Variants in NDEL1 observed in about 807,000 individuals in gnomAD.
NDEL1 encodes the protein nuclear distribution protein nudE-like 1.
A neutral mutation model predicts 45.7 loss-of-function variants in NDEL1; 9 were observed. That is an observed-to-expected ratio of 0.20 (90% CI 0.12 to 0.34). NDEL1 has a LOEUF of 0.34. Among genes scored for constraint, NDEL1 ranks in the 10% least tolerant of loss-of-function variants. The pLI is 1.00. For missense variants in NDEL1, 306 were observed against 406.2 expected (o/e 0.75, Z 2.12); for synonymous variants, 133 against 158.6 (o/e 0.84, Z 1.21).
At position 8,415,121 on chromosome 17, in the gene NDEL1, TC is replaced by T. The variant is rs1567717772; in HGVS notation, c.-13+1855del. ...CTTTCTTCCTCCCTCCCTCCCTCCC[TC>T]CCTCCTGCCTCTTCTCTCTTTCTGT... is the stretch of plus-strand genomic sequence containing the variant. On this transcript the variant is annotated intron_variant, in intron 1 of 4. Coordinates refer to the NDEL1 transcript ENST00000582812. 7.3e-3 allele frequency among the ~76,000 whole-genome samples: 879 copies of T among 120,454 alleles called. 14 individuals are homozygous for T. The highest frequency in any genetic ancestry group is 0.025 in the African/African-American group (809 of 32,836). 79.0% of individuals were successfully genotyped at this position (120,454 alleles called of 152,430 possible). A position where few individuals can be genotyped will look rare whatever the true frequency, so the allele number is the denominator to read the frequency against.
rs534200844 is a variant in NDEL1, at chr17:8,459,901, A to T, written c.793-108A>T. ...ATGGCTGAACTAACCACCATTATCA[A>T]CTGAGATGAGTAAGTTTTGAGGCTT... On this transcript the variant is annotated intron_variant, in intron 7 of 8. Coordinates refer to ENST00000334527, the MANE Select transcript of NDEL1 (RefSeq NM_030808.5). 7.8e-6 allele frequency: 9 copies of T among 1,157,898 alleles called. No individual in the cohort carries two copies. The African/African-American group carries it at 1.4e-4, about 18-fold the overall frequency. 71.7% of individuals were successfully genotyped at this position (1,157,898 alleles called of 1,614,324 possible).
upstream of NDEL1, among the ~76,000 whole-genome samples, chr17:8,432,353 A>AATATATATATATATATTAT (rs1909033429): frequency 1.7e-4 from 1 of 5,874 alleles, no homozygotes; most frequent in Non-Finnish European, 1.1e-3. Context: ...TATAAATATA[A>AATATATATATATATATTAT]ATATAAATAT....
At chr17:8,466,144 T>G (rs1911573809) in intron 8 of NDEL1, 1 of 152,196 alleles carries the variant, frequency 6.6e-6, no homozygotes, top group South Asian at 2.1e-4. Context: ...TATTAATACA[T>G]TATATTTGGA....
chr17:8,458,547 AC>A (rs1340995911), intron 7 of NDEL1, among the ~76,000 whole-genome samples: 2 of 119,160 alleles, frequency 1.7e-5, no homozygotes, highest in Non-Finnish European at 3.5e-5. Context: ...CTCAATTTCT[AC>A]TGTGTGTGTG....
At chr17:8,413,583 G>A (rs1908473872) in intron 1 of NDEL1, among the ~76,000 whole-genome samples, 2 of 152,186 alleles carry the variant, frequency 1.3e-5, no homozygotes, top group Admixed American at 1.3e-4. Context: ...CTGGGTTGCA[G>A]AGGGAGTTCA....
intron 6 of NDEL1, among the ~76,000 whole-genome samples, chr17:8,453,352 A>G (rs1567737092): frequency 6.6e-6 from 1 of 152,248 alleles, no homozygotes; most frequent in Non-Finnish European, 1.5e-5. Flanking sequence ...GAAAACAAAC[A>G]TAAAAAATAA....
At chr17:8,460,490 G>C (rs1005193940) in intron 8 of NDEL1, among the ~76,000 whole-genome samples, 1 of 152,076 alleles carries the variant, frequency 6.6e-6, no homozygotes, top group Middle Eastern at 3.2e-3. Context: ...ATATTTTTTT[G>C]GGGTAGAAGA....
chr17:8,455,185 G>C (rs984630389), intron 7 of NDEL1, among the ~76,000 whole-genome samples: 1 of 152,200 alleles, frequency 6.6e-6, no homozygotes, highest in African/African-American at 2.4e-5. Context: ...AAGGCCTGCT[G>C]TGTGTCTTCT....
At chr17:8,451,060 G>C (rs1381720471) in intron 6 of NDEL1, 107 bp downstream of exon 6, 1 of 1,116,956 alleles carries the variant, frequency 9.0e-7, no homozygotes. Context: ...TAGTTTAAAA[G>C]TTGGTGAAGT....
At chr17:8,445,536 G>A (rs1212148213) in intron 2 of NDEL1, among the ~76,000 whole-genome samples, 175 bp from the exon 3 acceptor site, 4 of 152,078 alleles carry the variant, frequency 2.6e-5, no homozygotes, top group African/African-American at 7.2e-5. Context: ...TGGGCTTGTC[G>A]TTTTCATTGA....
intron 1 of NDEL1, among the ~76,000 whole-genome samples, chr17:8,429,637 T>A (rs551681735): frequency 1.3e-5 from 2 of 152,146 alleles, no homozygotes; most frequent in East Asian, 3.9e-4. Context: ...AAGGGAATCA[T>A]CTATTTGGGG....
At chr17:8,474,298 T>C (rs1241482820) in intron 3 of NDEL1, 1 of 152,628 alleles carries the variant, frequency 6.6e-6, no homozygotes, top group Non-Finnish European at 1.5e-5. Context: ...CGCAAATATC[T>C]ATAATGAATA....
chr17:8,447,990 G>C (rs887905001), intron 4 of NDEL1, among the ~76,000 whole-genome samples: 3 of 147,660 alleles, frequency 2.0e-5, no homozygotes, highest in South Asian at 2.2e-4. Context: ...GGCGGGGGGG[G>C]GGCAGTGGGG....
chr17:8,418,603 C>G lies in NDEL1; in HGVS notation c.-13+5334C>G, dbSNP rs571620192. Reference sequence around the variant, plus strand: ...TGTTAAATTATTAATGTATGGCCAGCTCTATAAAAAAGTTTATGGCTGCTT... The same window carrying G: ...TGTTAAATTATTAATGTATGGCCAGGTCTATAAAAAAGTTTATGGCTGCTT... On this transcript the variant is annotated intron_variant, in intron 1 of 4. Transcript: ENST00000582812. Among the ~76,000 whole-genome samples the G allele has an allele frequency of 2.6e-5, 4 of 152,230 alleles. No homozygotes were observed. In the South Asian group the frequency reaches 8.3e-4, roughly 32 times the overall value.
At chr17:8,443,829 A>G (rs1232339072) in intron 1 of NDEL1, 1 of 152,814 alleles carries the variant, frequency 6.5e-6, no homozygotes, top group South Asian at 2.1e-4. Flanking sequence ...AAATGTTCCA[A>G]GCAGATGTTT....
intron 4 of NDEL1, among the ~76,000 whole-genome samples, chr17:8,447,519 C>CA (rs992321750): frequency 9.2e-5 from 14 of 152,196 alleles, no homozygotes; most frequent in African/African-American, 3.4e-4. Flanking sequence ...TTAACACTTC[C>CA]ATACTTCCTG....
intron 1 of NDEL1, among the ~76,000 whole-genome samples, chr17:8,414,556 A>G (rs1159656876): frequency 6.6e-6 from 1 of 152,074 alleles, no homozygotes; most frequent in African/African-American, 2.4e-5. Flanking sequence ...AGTCCCAGCT[A>G]CCCGGGAGGC....
At chr17:8,432,352 A>AT (rs1567722392), upstream of NDEL1, among the ~76,000 whole-genome samples, 332 of 28,364 alleles carry the variant, frequency 0.012, 10 homozygotes, top group Middle Eastern at 0.031. Context: ...ATATAAATAT[A>AT]AATATAAATA....
intron 8 of NDEL1, among the ~76,000 whole-genome samples, chr17:8,464,010 T>C (rs1012521508): frequency 6.6e-6 from 1 of 152,214 alleles, no homozygotes. Context: ...CCTCCTGCCC[T>C]CTCCAGTGTC....
Sources: gnomAD v4.1 joint callset for allele counts (sites outside exome capture counted in the v4.1 genomes callset) on GRCh38, gnomAD v4.1.1 for gene constraint, MANE v1.5 for transcripts, NCBI Gene and HGNC (gene_info 2026-07-23, HGNC 2026-07-21) for gene names.